QKI: variants seen among roughly 807,000 people sequenced by gnomAD.
QKI encodes QKI, KH domain containing RNA binding.
QKI carries 10 observed loss-of-function variants against 39.0 expected under a neutral mutation model. The ratio of observed to expected loss-of-function variants is 0.26; its 90% confidence interval spans 0.16 to 0.43. The LOEUF is 0.43. Ranked by LOEUF, QKI falls within the 20% of genes least tolerant of loss-of-function variation. The probability of loss-of-function intolerance (pLI) is 1.00; values close to 1 mark genes in which losing one functional copy is unlikely to be tolerated. For synonymous variants in QKI, 204 were observed against 155.4 expected (o/e 1.31, Z -2.33); for missense variants, 218 against 428.0 (o/e 0.51, Z 4.33).
chr6:163,432,390 TCC>T (rs1179323449), intron 1 of QKI, among the ~76,000 whole-genome samples: 1 of 143,940 alleles, frequency 6.9e-6, no homozygotes, highest in African/African-American at 2.7e-5. Context: ...TAATTTAAAA[TCC>T]CCCCCCTTTT....
intron 3 of QKI, among the ~76,000 whole-genome samples, chr6:163,492,775 T>C (rs1778140097): frequency 6.6e-6 from 1 of 152,140 alleles, no homozygotes; most frequent in South Asian, 2.1e-4. Context: ...AATAGACAAG[T>C]GAGTAAACGG....
At chr6:163,506,799 A>G (rs1302552300) in intron 3 of QKI, among the ~76,000 whole-genome samples, 1 of 152,158 alleles carries the variant, frequency 6.6e-6, no homozygotes, top group Non-Finnish European at 1.5e-5. Flanking sequence ...AATTTTTAAT[A>G]TCTCCTATTG....
chr6:163,499,039 A>T (rs567548000), intron 3 of QKI, among the ~76,000 whole-genome samples: 2 of 152,304 alleles, frequency 1.3e-5, no homozygotes, highest in Non-Finnish European at 2.9e-5. Context: ...AAGTTTGTGT[A>T]TATTGAACTA....
intron 1 of QKI, among the ~76,000 whole-genome samples, chr6:163,435,720 A>G (rs935225604): frequency 6.6e-6 from 1 of 152,090 alleles, no homozygotes; most frequent in Non-Finnish European, 1.5e-5. Context: ...TTCTAGTCAT[A>G]TGCCGTGTAT....
intron 3 of QKI, among the ~76,000 whole-genome samples, chr6:163,527,684 T>C (rs1287313553): frequency 6.6e-6 from 1 of 152,148 alleles, no homozygotes. Flanking sequence ...CCAAAACAAA[T>C]ACTTTGTTTC....
intron 3 of QKI, among the ~76,000 whole-genome samples, chr6:163,481,663 T>C (rs577557996): frequency 6.6e-6 from 1 of 152,364 alleles, no homozygotes; most frequent in Non-Finnish European, 1.5e-5. Context: ...TATGCCACTT[T>C]AGTTTTCATT....
At chr6:163,516,469 A>G (rs903600349) in intron 3 of QKI, among the ~76,000 whole-genome samples, 1 of 151,892 alleles carries the variant, frequency 6.6e-6, no homozygotes, top group African/African-American at 2.4e-5. Context: ...TGAATTTTGT[A>G]TTTTTAGTAG....
chr6:163,567,054 T>C, intron 7 of QKI: 1 of 1,100,818 alleles, frequency 9.1e-7, no homozygotes, highest in Non-Finnish European at 1.1e-6. Flanking sequence ...CATAAATTAG[T>C]CAATTTGGGG....
intron 3 of QKI, among the ~76,000 whole-genome samples, chr6:163,488,788 G>A (rs1174641612): frequency 6.6e-6 from 1 of 151,990 alleles, no homozygotes; most frequent in African/African-American, 2.4e-5. Flanking sequence ...TTCTAGTTGT[G>A]GAAATTGCAT....
chr6:163,505,432 G>A (rs951265907), intron 3 of QKI, among the ~76,000 whole-genome samples: 2 of 152,218 alleles, frequency 1.3e-5, no homozygotes, highest in African/African-American at 2.4e-5. Flanking sequence ...GCCCATGAAA[G>A]CAGCCGAGGG....
intron 3 of QKI, among the ~76,000 whole-genome samples, chr6:163,507,734 C>T (rs536159721): frequency 7.9e-5 from 12 of 151,976 alleles, no homozygotes; most frequent in Admixed American, 3.9e-4. Context: ...CAAAACAAAA[C>T]GAAAACAAAA....
At chr6:163,464,448 T>G (rs949804010) in intron 2 of QKI, among the ~76,000 whole-genome samples, 2 of 151,608 alleles carry the variant, frequency 1.3e-5, no homozygotes, top group Non-Finnish European at 2.9e-5. Context: ...TAAACAAAAT[T>G]GACAGACCTT....
intron 3 of QKI, among the ~76,000 whole-genome samples, chr6:163,523,100 G>C (rs953011701): frequency 2.0e-5 from 3 of 152,114 alleles, no homozygotes; most frequent in Admixed American, 6.5e-5. Context: ...AAGGCAGACT[G>C]TATGTGGATC....
At chr6:163,433,466 A>G (rs1300002441) in intron 1 of QKI, among the ~76,000 whole-genome samples, 1 of 152,200 alleles carries the variant, frequency 6.6e-6, no homozygotes, top group Non-Finnish European at 1.5e-5. Context: ...CCAGAAAAAT[A>G]GTATAAGAAT....
intron 4 of QKI, among the ~76,000 whole-genome samples, chr6:163,556,350 T>C (rs1454794334): frequency 3.3e-5 from 5 of 151,652 alleles, no homozygotes; most frequent in African/African-American, 7.3e-5. Context: ...GCATCTCTAC[T>C]AAATACAAAA....
intron 3 of QKI, among the ~76,000 whole-genome samples, chr6:163,531,452 T>G (rs1416464355): frequency 6.6e-6 from 1 of 152,214 alleles, no homozygotes; most frequent in African/African-American, 2.4e-5. Context: ...TGAACTGCTT[T>G]TTAATGAGAG....
At chr6:163,503,567 TTTAA>T (rs1778915877) in intron 3 of QKI, among the ~76,000 whole-genome samples, 1 of 152,108 alleles carries the variant, frequency 6.6e-6, no homozygotes, top group Non-Finnish European at 1.5e-5. Flanking sequence ...AACTCTTTAG[TTTAA>T]TTAAGTCCCA....
At chr6:163,475,283 C>A (rs1409114256) in intron 2 of QKI, among the ~76,000 whole-genome samples, 2 of 152,020 alleles carry the variant, frequency 1.3e-5, no homozygotes, top group African/African-American at 2.4e-5. Flanking sequence ...AACCTAGGAT[C>A]AAAACTTTTA....
At chr6:163,483,293 G>A (rs1031755058) in intron 3 of QKI, among the ~76,000 whole-genome samples, 1 of 152,156 alleles carries the variant, frequency 6.6e-6, no homozygotes, top group African/African-American at 2.4e-5. Flanking sequence ...CATGTTGATG[G>A]CTGCTGACTG....
Sources: allele counts gnomAD v4.1 joint callset (sites outside exome capture counted in the v4.1 genomes callset), GRCh38; gene constraint gnomAD v4.1.1; transcripts MANE v1.5; gene names NCBI Gene and HGNC (gene_info 2026-07-23, HGNC 2026-07-21).